RAI14: variants seen among roughly 807,000 people sequenced by gnomAD.
RAI14 encodes ankycorbin.
Under a neutral mutation model 115.4 loss-of-function variants are expected in RAI14, and 45 were observed. That is an observed-to-expected ratio of 0.39 (90% CI 0.31 to 0.50). The LOEUF (loss-of-function observed/expected upper bound fraction) is 0.50, where lower values mean the gene tolerates loss of function less well. Among genes scored for constraint, RAI14 ranks in the 20% least tolerant of loss-of-function variants. The pLI, the probability that RAI14 is intolerant of heterozygous loss-of-function variation, is 0.85. For synonymous variants in RAI14, 371 were observed against 415.4 expected (o/e 0.89, Z 1.30); for missense variants, 939 against 1,131.2 (o/e 0.83, Z 2.44).
At chr5:34,772,942 T>C (rs1750361332) in intron 3 of RAI14, among the ~76,000 whole-genome samples, 1 of 152,146 alleles carries the variant, frequency 6.6e-6, no homozygotes, top group Non-Finnish European at 1.5e-5. Context: ...TCAAAGTCAT[T>C]TTGTGTAAAT....
chr5:34,659,894 T>C (rs1239627331), intron 1 of RAI14, among the ~76,000 whole-genome samples: 2 of 152,200 alleles, frequency 1.3e-5, no homozygotes, highest in Non-Finnish European at 2.9e-5. Context: ...TTAAGAAAAG[T>C]GGGACTGGTG....
rs1439505099 is a variant in RAI14 at position 34,823,360 on chromosome 5, G to A, written c.1518G>A (p.Met506Ile). Residue 506 changes from methionine to isoleucine, a missense_variant, in exon 15 of 18, where the codon ATG (methionine) becomes ATA (isoleucine). Transcript: ENST00000265109. This position sits in a 1 kb window ranked among gnomAD's most constrained non-coding sequence, Gnocchi z 4.5. ...AAGTCCTTAGTGTGCAGAAGCAGATGAAACTCGGTCTTGTCTCACCTGAAA... is the reference window on the plus strand; with the variant it reads ...AAGTCCTTAGTGTGCAGAAGCAGATAAAACTCGGTCTTGTCTCACCTGAAA... Reference protein sequence around the residue: ...MKEVLSVQKQMKLGLVSPESM... With the variant: ...MKEVLSVQKQIKLGLVSPESM... 1 of 1,614,044 alleles carries A rather than the reference G, an allele frequency of 6.2e-7. No individual in the cohort carries two copies. The highest frequency in any genetic ancestry group is 1.1e-5 in the South Asian group (1 of 91,084).
chr5:34,776,161 A>G (rs990510270), intron 3 of RAI14, among the ~76,000 whole-genome samples: 2 of 152,218 alleles, frequency 1.3e-5, no homozygotes, highest in Non-Finnish European at 2.9e-5. Flanking sequence ...AACTGAACTA[A>G]GCCAGGCACA....
chr5:34,736,139 G>A (rs1055363243), intron 2 of RAI14, among the ~76,000 whole-genome samples: 15 of 150,844 alleles, frequency 9.9e-5, no homozygotes, highest in Middle Eastern at 3.4e-3. Context: ...GGTGACTCAC[G>A]CCTGTAATCC....
intron 14 of RAI14, among the ~76,000 whole-genome samples, chr5:34,822,273 T>TATATATATATATATAA (rs1444000889): frequency 2.7e-5 from 4 of 146,268 alleles, no homozygotes; most frequent in African/African-American, 1.0e-4. Flanking sequence ...TATATATATA[T>TATATATATATATATAA]AAAATATTAT....
At position 34,823,147 on chromosome 5, in the gene RAI14, A is replaced by G. The variant is rs550474123; in HGVS notation, c.1305A>G (p.Gln435=). ...TDNDVRIQQL[Q]EILQDLQKRL... ...ATGATGTCAGAATTCAGCAACTGCA[A>G]GAGATTTTGCAAGATCTACAGAAGA... Residue 435 remains glutamine (Q), a synonymous_variant, in exon 15 of 18, where the codon CAA becomes CAG. Coordinates refer to ENST00000265109, the MANE Select transcript of RAI14 (RefSeq NM_015577.3). The surrounding 1 kb of genome is among the most constrained non-coding windows in gnomAD (Gnocchi z 4.5). The G allele has an allele frequency of 3.3e-5, 53 of 1,613,146 alleles. No homozygotes were observed. The highest frequency in any genetic ancestry group is 4.0e-5 in the Non-Finnish European group (47 of 1,179,198).
chr5:34,813,424 T>C, intron 10 of RAI14, 150 bp from the exon 11 acceptor site: 6 of 555,354 alleles, frequency 1.1e-5, no homozygotes, highest in Non-Finnish European at 1.9e-5. Context: ...ATATTATTTA[T>C]TTTTATGTTG....
rs141288171 is a variant in RAI14 at position 34,790,615 on chromosome 5, G to A, written c.168-5324G>A. ...TTAAAGAGTTAGAGCAAGCAATAGA[G>A]ATCAAAATGACTTTCTAGATAGTTA... On this transcript the variant is annotated intron_variant, in intron 3 of 17. Coordinates refer to ENST00000265109, the MANE Select transcript of RAI14 (RefSeq NM_015577.3). 7.1e-3 allele frequency among the ~76,000 whole-genome samples: 1,084 copies of A among 151,998 alleles called. 11 individuals carry two copies. Among genetic ancestry groups the A allele is most frequent in the African/African-American group, 0.024 (1,012 of 41,470 alleles).
intron 14 of RAI14, 35 bp downstream of exon 14, chr5:34,821,885 TAG>T: frequency 8.3e-7 from 1 of 1,203,548 alleles, no homozygotes; most frequent in Non-Finnish European, 1.2e-6. Flanking sequence ...GACTATTCTG[TAG>T]AGTCAAGCTC....
intron 3 of RAI14, among the ~76,000 whole-genome samples, chr5:34,776,762 G>A (rs148699194): frequency 0.21 from 31,777 of 148,582 alleles, 4,728 homozygotes; most frequent in Non-Finnish European, 0.31. Context: ...AGCCAAGATT[G>A]CACCACTGCA....
chr5:34,746,893 T>A (rs1185577978), intron 2 of RAI14, among the ~76,000 whole-genome samples: 1 of 152,204 alleles, frequency 6.6e-6, no homozygotes, highest in Non-Finnish European at 1.5e-5. Flanking sequence ...TGGTCTTTCC[T>A]GTGCTATTCT....
intron 2 of RAI14, among the ~76,000 whole-genome samples, chr5:34,735,051 C>T (rs894427581): frequency 2.6e-5 from 4 of 152,276 alleles, no homozygotes; most frequent in South Asian, 4.2e-4. Flanking sequence ...AACCTGGTGG[C>T]AACCTAGATG....
At chr5:34,738,598 C>T (rs185902546) in intron 2 of RAI14, among the ~76,000 whole-genome samples, 5 of 152,310 alleles carry the variant, frequency 3.3e-5, no homozygotes, top group Admixed American at 3.3e-4. Flanking sequence ...ACTTGACATA[C>T]CCTCACCATC....
intron 3 of RAI14, among the ~76,000 whole-genome samples, chr5:34,769,880 C>T (rs929187302): frequency 1.3e-4 from 20 of 152,158 alleles, no homozygotes; most frequent in African/African-American, 4.6e-4. Context: ...GCATGTGCCA[C>T]AATACTTAGC....
intron 3 of RAI14, among the ~76,000 whole-genome samples, chr5:34,781,138 C>T (rs1054728708): frequency 3.4e-5 from 5 of 149,050 alleles, no homozygotes; most frequent in East Asian, 4.0e-4. Flanking sequence ...AACCAAGCAC[C>T]GCATGTTCTC....
intron 2 of RAI14, among the ~76,000 whole-genome samples, chr5:34,720,049 A>T (rs1742471160): frequency 6.6e-6 from 1 of 152,220 alleles, no homozygotes; most frequent in Non-Finnish European, 1.5e-5. Flanking sequence ...AAGCTACCTT[A>T]GAAGGAGAAG....
At chr5:34,795,891 A>C (rs372873948) in intron 3 of RAI14, 48 bp from the exon 4 acceptor site, 1 of 1,508,998 alleles carries the variant, frequency 6.6e-7, no homozygotes, top group Admixed American at 1.7e-5. Context: ...GGAGATGAAC[A>C]TTAAAGAGTA....
At chr5:34,692,598 T>A (rs976201656) in intron 2 of RAI14, among the ~76,000 whole-genome samples, 17 of 151,202 alleles carry the variant, frequency 1.1e-4, no homozygotes, top group African/African-American at 4.2e-4. Flanking sequence ...GCCAAATCTA[T>A]TTTAAGCTAA....
At chr5:34,789,518 T>C (rs902079099) in intron 3 of RAI14, among the ~76,000 whole-genome samples, 1 of 152,238 alleles carries the variant, frequency 6.6e-6, no homozygotes, top group African/African-American at 2.4e-5. Context: ...GGATGGTTTA[T>C]TGTGGTTTGC....
Sources: allele counts gnomAD v4.1 joint callset (sites outside exome capture counted in the v4.1 genomes callset), GRCh38; gene constraint gnomAD v4.1.1; non-coding constraint Gnocchi (gnomAD v3.1); transcripts MANE v1.5; gene names NCBI Gene and HGNC (gene_info 2026-07-23, HGNC 2026-07-21).